Variants in UBE3B observed in about 807,000 individuals in gnomAD.
UBE3B encodes ubiquitin-protein ligase E3B.
Under a neutral mutation model 132.3 loss-of-function variants are expected in UBE3B, and 80 were observed. That is an observed-to-expected ratio of 0.60 (90% CI 0.50 to 0.73). The LOEUF is 0.73. UBE3B is among the 30% of genes least tolerant of loss of function. UBE3B has a pLI of 0.00. For synonymous variants in UBE3B, 487 were observed against 520.4 expected (o/e 0.94, Z 0.87); for missense variants, 1,196 against 1,362.5 (o/e 0.88, Z 1.92).
At chr12:109,479,481 A>G (rs530187251) in intron 1 of UBE3B, among the ~76,000 whole-genome samples, 1 of 152,326 alleles carries the variant, frequency 6.6e-6, no homozygotes, top group East Asian at 1.9e-4. Context: ...AACTTGGCCA[A>G]ATGTCGGATA....
At chr12:109,530,113 C>G (rs770868206) in intron 25 of UBE3B, 41 bp downstream of exon 25, 2 of 1,608,396 alleles carry the variant, frequency 1.2e-6, no homozygotes, top group South Asian at 2.2e-5. Flanking sequence ...TCCTTGGCCT[C>G]CCAGAAAGCC....
Position 109,486,469 on chromosome 12 carries a change from A to G in UBE3B, c.343-2A>G. On this transcript the variant is annotated splice_acceptor_variant, in intron 5 of 27. Coordinates refer to ENST00000342494, the MANE Select transcript of UBE3B (RefSeq NM_130466.4). LOFTEE classifies it high-confidence loss of function. ...TGACATTCCTCTTTTTCCCACCTAT[A>G]GGTGTGGTATGTGTCCCTGGCTTGT... The G allele has an allele frequency of 6.3e-7, 1 of 1,587,558 alleles. No homozygotes were observed. The highest frequency in any genetic ancestry group is 8.6e-7 in the Non-Finnish European group (1 of 1,166,290).
chr12:109,524,327 C>A, intron 22 of UBE3B, 111 bp from the exon 23 acceptor site: 3 of 1,437,258 alleles, frequency 2.1e-6, no homozygotes, highest in Non-Finnish European at 2.9e-6. Context: ...TCAAGCTGTT[C>A]AGCAGCCATG....
At chr12:109,490,867 G>A in intron 8 of UBE3B, 178 bp from the exon 9 acceptor site, 5 of 1,102,034 alleles carry the variant, frequency 4.5e-6, no homozygotes, top group Non-Finnish European at 6.2e-6. Context: ...ACCCAGGCTG[G>A]CCTCAAGGAA....
At position 109,521,316 on chromosome 12, in the gene UBE3B, C is replaced by T. The variant is rs767840192; in HGVS notation, c.2245C>T (p.Leu749=). The change falls in exon 20 of 28, where the codon CTG becomes TTG. Residue 749 remains leucine (L), a synonymous_variant. Transcript: ENST00000342494. This position sits in a 1 kb window ranked among gnomAD's most constrained non-coding sequence, Gnocchi z 4.2. The part of the protein sequence containing the change: ...IKRVFDPALN[L]FKTTSGDERL... ...GAGAGTTTTTGACCCAGCACTCAATCTGTTCAAGGTATTTAAGGGGAGCAA... is the reference window on the plus strand; with the variant it reads ...GAGAGTTTTTGACCCAGCACTCAATTTGTTCAAGGTATTTAAGGGGAGCAA... The T allele has an allele frequency of 3.7e-6, 6 of 1,614,202 alleles. No individual in the cohort carries two copies. The highest frequency in any genetic ancestry group is 5.1e-6 in the Non-Finnish European group (6 of 1,180,028).
In UBE3B at chr12:109,509,581, TTC is replaced by T. The variant is rs1428900573; in HGVS notation, c.1623-9_1623-8del. 6 of 1,563,970 alleles carry T rather than the reference TTC, an allele frequency of 3.8e-6. No individual in the cohort carries two copies. Among genetic ancestry groups the T allele is most frequent in the Non-Finnish European group, 4.3e-6 (5 of 1,153,484 alleles). On this transcript the variant is annotated splice_polypyrimidine_tract_variant and intron_variant, in intron 15 of 27. Coordinates refer to ENST00000342494, the MANE Select transcript of UBE3B (RefSeq NM_130466.4). ...TTTCAGTGTGGAATTGTGGGTAATT[TTC>T]TCTCTGATTTAGAATCCTTGATGAC...
At chr12:109,512,316 A>G (rs1346023813) in intron 18 of UBE3B, among the ~76,000 whole-genome samples, 2 of 152,172 alleles carry the variant, frequency 1.3e-5, no homozygotes, top group Non-Finnish European at 2.9e-5. Context: ...AGAGCCCTGC[A>G]GGACCCGTCC....
In UBE3B at chr12:109,508,736, T is replaced by C. The variant is rs1003712850; in HGVS notation, c.1623-860T>C. 3.1e-5 allele frequency: 31 copies of C among 985,352 alleles called. No homozygotes were observed. In the African/African-American group the frequency reaches 5.1e-4, roughly 16 times the overall value. 61.0% of individuals were successfully genotyped at this position (985,352 alleles called of 1,614,324 possible). On this transcript the variant is annotated intron_variant, in intron 15 of 27. Coordinates refer to ENST00000342494, the MANE Select transcript of UBE3B (RefSeq NM_130466.4). ...TGGATGGGGGTAAGCCAAGAGTGAA[T>C]CTTATTCTAGTGTATGGAGCAGTGT...
intron 24 of UBE3B, chr12:109,528,489 T>A (rs1882601761): frequency 6.1e-6 from 6 of 985,216 alleles, no homozygotes; most frequent in Non-Finnish European, 7.2e-6. Context: ...GTAAAACATT[T>A]ATTTGGACTC....
At chr12:109,492,869 G>A (rs1877674573) in intron 9 of UBE3B, 1 of 151,738 alleles carries the variant, frequency 6.6e-6, no homozygotes, top group African/African-American at 2.4e-5. Flanking sequence ...AAAATTAAAT[G>A]TGTTACATTT....
intron 18 of UBE3B, among the ~76,000 whole-genome samples, chr12:109,515,329 G>A (rs930023257): frequency 6.6e-6 from 1 of 150,610 alleles, no homozygotes; most frequent in Non-Finnish European, 1.5e-5. Context: ...CTGGTATATA[G>A]TATTTCCTGT....
downstream of UBE3B, chr12:109,536,779 G>T (rs1215505834): frequency 6.6e-6 from 1 of 152,232 alleles, no homozygotes; most frequent in Non-Finnish European, 1.5e-5. Context: ...TAGGGAGCAT[G>T]TAGGCTTCCA....
In UBE3B at chr12:109,504,624, A is replaced by T. The variant is rs575222164; in HGVS notation, c.1450+1434A>T. On this transcript the variant is annotated intron_variant, in intron 14 of 27. Transcript: ENST00000342494. ...TGCTGGGCATGCTGGCAGAGGTGAC[A>T]CTCTGGGAGCATCAGCTGAGGGATG... Among the ~76,000 whole-genome samples, 21 of 152,112 alleles carry T rather than the reference A, an allele frequency of 1.4e-4. No homozygotes were observed. In the East Asian group the frequency reaches 3.9e-3, roughly 28 times the overall value.
chr12:109,525,385 G>T (rs569376631), intron 23 of UBE3B, among the ~76,000 whole-genome samples: 6 of 152,200 alleles, frequency 3.9e-5, no homozygotes, highest in Admixed American at 2.6e-4. Context: ...TCGCAGGATC[G>T]TTCTCTACAG....
intron 26 of UBE3B, among the ~76,000 whole-genome samples, chr12:109,533,177 C>T (rs1249337739): frequency 6.6e-6 from 1 of 152,202 alleles, no homozygotes; most frequent in African/African-American, 2.4e-5. Flanking sequence ...CCTGGCTGGG[C>T]ATTTGTGCTG....
chr12:109,502,890 G>T (rs1566090068), intron 13 of UBE3B, 133 bp from the exon 14 acceptor site: 1 of 1,076,980 alleles, frequency 9.3e-7, no homozygotes, highest in Non-Finnish European at 1.4e-6. Context: ...GAAATGCCTT[G>T]AATTGAGTGA....
chr12:109,524,110 A>G lies in UBE3B; in HGVS notation c.2497A>G (p.Ile833Val), dbSNP rs1882025575. 2 of 1,614,062 alleles carry G rather than the reference A, an allele frequency of 1.2e-6. No homozygotes were observed. The highest frequency in any genetic ancestry group is 1.7e-5 in the Admixed American group (1 of 60,022). The change falls in exon 22 of 28, where the codon ATC (isoleucine) becomes GTC (valine). Residue 833 changes from isoleucine to valine, a missense_variant. By Grantham distance (29) the Ile-to-Val change is conservative (BLOSUM62 3). Transcript: ENST00000342494. ...CGAGTTCTATAAAAACCTCACCTCC[A>G]TCAAGGTGAGCATGGAATGGTGGGT... ...DSEFYKNLTS[I>V]KRYDGDITDL... is the part of the protein sequence containing the mutation.
chr12:109,526,346 C>T lies in UBE3B; in HGVS notation c.2569-12C>T. On this transcript the variant is annotated splice_polypyrimidine_tract_variant and intron_variant, in intron 23 of 27. Coordinates refer to ENST00000342494, the MANE Select transcript of UBE3B (RefSeq NM_130466.4). ...AGTCCTCCCTATTAATTACTCCCAT[C>T]TTCTCCCCCAGCTTGTTTGCCATGA... is the stretch of plus-strand genomic sequence containing the variant. 6.2e-7 allele frequency: 1 copy of T among 1,614,074 alleles called. No homozygotes were observed. Among genetic ancestry groups the T allele is most frequent in the Non-Finnish European group, 8.5e-7 (1 of 1,179,958 alleles).
At chr12:109,525,296 A>AG (rs1882209100) in intron 23 of UBE3B, among the ~76,000 whole-genome samples, 1 of 152,184 alleles carries the variant, frequency 6.6e-6, no homozygotes, top group Non-Finnish European at 1.5e-5. Flanking sequence ...AGGAAACCAA[A>AG]GTGGAGCTGA....
Sources: allele counts gnomAD v4.1 joint callset (sites outside exome capture counted in the v4.1 genomes callset), GRCh38; gene constraint gnomAD v4.1.1; non-coding constraint Gnocchi (gnomAD v3.1); transcripts MANE v1.5; gene names NCBI Gene and HGNC (gene_info 2026-07-23, HGNC 2026-07-21).